Variants in ZNF608 observed in about 807,000 individuals in gnomAD.
ZNF608 encodes the protein renal carcinoma antigen NY-REN-36.
Under a neutral mutation model 109.0 loss-of-function variants are expected in ZNF608, and 12 were observed. That is an observed-to-expected ratio of 0.11 (90% CI 0.07 to 0.18). The LOEUF (loss-of-function observed/expected upper bound fraction) is 0.18. Among genes scored for constraint, ZNF608 ranks in the 10% least tolerant of loss-of-function variants. The probability of loss-of-function intolerance (pLI) is 1.00; values close to 1 mark genes in which losing one functional copy is unlikely to be tolerated. For missense variants in ZNF608, 1,707 were observed against 1,879.3 expected (o/e 0.91, Z 1.70); for synonymous variants, 732 against 717.4 (o/e 1.02, Z -0.33).
chr5:124,706,321 C>CA (rs1245607185), intron 2 of ZNF608, among the ~76,000 whole-genome samples: 1 of 152,180 alleles, frequency 6.6e-6, no homozygotes, highest in Non-Finnish European at 1.5e-5. Context: ...AACTTTAGCT[C>CA]AGGGCCTGGT....
At position 124,647,663 on chromosome 5, in the gene ZNF608, G is replaced by GCTGC; in HGVS notation, c.2717_2720dup (p.Ser907ArgfsTer39). On this transcript the variant is annotated frameshift_variant, in exon 5 of 10. Transcript: ENST00000513986. LOFTEE classifies it high-confidence loss of function. ...TTGGTGCCTGCCCGTTCACCAAAGTGCTGCATTCCAGCCTCGAGGCGCTCC... is the reference window on the plus strand; with the variant it reads ...TTGGTGCCTGCCCGTTCACCAAAGTGCTGCCTGCATTCCAGCCTCGAGGCGCTCC... 1 of 1,614,238 alleles carries GCTGC rather than the reference G, an allele frequency of 6.2e-7. No homozygotes were observed. Among genetic ancestry groups the GCTGC allele is most frequent in the Non-Finnish European group, 8.5e-7 (1 of 1,180,048 alleles).
At chr5:124,735,358 G>A (rs1237365350) in intron 2 of ZNF608, among the ~76,000 whole-genome samples, 1 of 152,234 alleles carries the variant, frequency 6.6e-6, no homozygotes, top group Admixed American at 6.5e-5. Flanking sequence ...GGGAAGAAGG[G>A]CGCGTTCCCG....
intron 3 of ZNF608, among the ~76,000 whole-genome samples, chr5:124,674,633 C>T (rs1057442995): frequency 6.6e-6 from 1 of 152,174 alleles, no homozygotes; most frequent in African/African-American, 2.4e-5. Flanking sequence ...TGCTTTGAGA[C>T]AGAGTCTCCC....
chr5:124,645,264 T>C (rs1750443444), intron 5 of ZNF608, among the ~76,000 whole-genome samples: 1 of 152,190 alleles, frequency 6.6e-6, no homozygotes, highest in African/African-American at 2.4e-5. Flanking sequence ...AATTTCAAAT[T>C]AATAGCACAC....
intron 2 of ZNF608, among the ~76,000 whole-genome samples, chr5:124,730,448 C>T (rs1256701991): frequency 6.6e-6 from 1 of 152,186 alleles, no homozygotes; most frequent in Non-Finnish European, 1.5e-5. Context: ...TAAAACTAGA[C>T]AGGATTATCT....
intron 3 of ZNF608, among the ~76,000 whole-genome samples, chr5:124,676,821 T>C (rs551458737): frequency 1.6e-3 from 243 of 152,340 alleles, no homozygotes; most frequent in South Asian, 4.3e-3. Context: ...ATTCCATTTA[T>C]GCAAAGTGCA....
intron 2 of ZNF608, among the ~76,000 whole-genome samples, chr5:124,705,365 G>A (rs1246350560): frequency 2.6e-5 from 4 of 152,078 alleles, no homozygotes; most frequent in Admixed American, 6.5e-5. Context: ...GCAAGTTACC[G>A]CGCTTCTCTT....
At chr5:124,742,047 A>C (rs1291685906) in intron 2 of ZNF608, among the ~76,000 whole-genome samples, 2 of 152,074 alleles carry the variant, frequency 1.3e-5, no homozygotes, top group Non-Finnish European at 2.9e-5. Context: ...CCCACCCCAG[A>C]TCCACCATGA....
intron 2 of ZNF608, among the ~76,000 whole-genome samples, chr5:124,704,586 T>C (rs1266333961): frequency 6.6e-6 from 1 of 151,974 alleles, no homozygotes; most frequent in Non-Finnish European, 1.5e-5. Flanking sequence ...AACATTCCAG[T>C]TTTTTTTAGC....
intron 3 of ZNF608, among the ~76,000 whole-genome samples, chr5:124,691,531 C>G (rs145701225): frequency 1.3e-3 from 191 of 152,280 alleles, no homozygotes; most frequent in African/African-American, 4.1e-3. Context: ...TGTCTGTATT[C>G]CCATGTTCAT....
At chr5:124,695,057 G>A (rs1217948117) in intron 3 of ZNF608, among the ~76,000 whole-genome samples, 1 of 152,048 alleles carries the variant, frequency 6.6e-6, no homozygotes, top group African/African-American at 2.4e-5. Context: ...ATGCTCACCT[G>A]CCCAACTCAC....
chr5:124,644,256 G>T lies in ZNF608; in HGVS notation c.4111C>A (p.His1371Asn). ...AYRAVSPVLM[H>N]SYPGAYLSPG... Reference sequence around the variant, plus strand: ...CGACAACACGTACCAGGATAACTGTGCATTAGGACGGGAGAAACAGCCCGG... The same window carrying T: ...CGACAACACGTACCAGGATAACTGTTCATTAGGACGGGAGAAACAGCCCGG... Residue 1371 changes from histidine to asparagine, a missense_variant, in exon 6 of 10, where the codon CAC becomes AAC. This residue lies in a region of ZNF608 where 1,073 missense variants were observed against 1,133.5 expected (regional missense o/e 0.95). Transcript: ENST00000513986. The T allele has an allele frequency of 6.2e-7, 1 of 1,609,046 alleles. No individual in the cohort carries two copies. Among genetic ancestry groups the T allele is most frequent in the South Asian group, 1.1e-5 (1 of 90,858 alleles).
upstream of ZNF608, chr5:124,746,823 G>A: frequency 1.0e-6 from 1 of 973,500 alleles, no homozygotes; most frequent in Non-Finnish European, 1.2e-6. Flanking sequence ...GAGGGAGGAG[G>A]AGGAGAAGAA....
At chr5:124,657,278 T>C (rs1751052211) in intron 3 of ZNF608, among the ~76,000 whole-genome samples, 1 of 152,066 alleles carries the variant, frequency 6.6e-6, no homozygotes, top group South Asian at 2.1e-4. Context: ...CACATATAGA[T>C]GGTGACGATA....
chr5:124,644,521 G>T lies in ZNF608; in HGVS notation c.3846C>A (p.Pro1282=), dbSNP rs1048499085. The part of the protein sequence containing the change: ...RKTPNKESGV[P]SLPVSLTSIK... ...TGCTTGTTAACGATACAGGAAGGCT[G>T]GGCACACCACTCTCTTTATTAGGAG... The change falls in exon 6 of 10, where the codon CCC becomes CCA. Residue 1282 remains proline (P), a synonymous_variant. Coordinates refer to ENST00000513986, the MANE Select transcript of ZNF608 (RefSeq NM_020747.3). 3 of 1,613,946 alleles carry T rather than the reference G, an allele frequency of 1.9e-6. No homozygotes were observed. The highest frequency in any genetic ancestry group is 1.3e-5 in the African/African-American group (1 of 74,866).
At chr5:124,740,883 T>G (rs1749366240) in intron 2 of ZNF608, among the ~76,000 whole-genome samples, 1 of 152,212 alleles carries the variant, frequency 6.6e-6, no homozygotes, top group Admixed American at 6.5e-5. Flanking sequence ...CCCATCAACT[T>G]TACATATAAA....
chr5:124,653,107 C>G (rs1750863295), intron 3 of ZNF608, among the ~76,000 whole-genome samples: 1 of 152,166 alleles, frequency 6.6e-6, no homozygotes, highest in African/African-American at 2.4e-5. Flanking sequence ...AACATTTCAT[C>G]TGAGGCTTAT....
At chr5:124,691,814 T>A (rs6873750) in intron 3 of ZNF608, among the ~76,000 whole-genome samples, 75,631 of 151,878 alleles carry the variant, frequency 0.5, 20,022 homozygotes, top group African/African-American at 0.68. Flanking sequence ...TGTCGGTGGG[T>A]AAAAGGGGAA....
At chr5:124,668,213 TA>T (rs1423328969) in intron 3 of ZNF608, among the ~76,000 whole-genome samples, 6 of 141,588 alleles carry the variant, frequency 4.2e-5, no homozygotes, top group East Asian at 4.2e-4. Flanking sequence ...TATATATATA[TA>T]TATTATATAT....
Sources: allele counts gnomAD v4.1 joint callset (sites outside exome capture counted in the v4.1 genomes callset), GRCh38; gene constraint gnomAD v4.1.1; regional missense constraint gnomAD v4.1.1; transcripts MANE v1.5; gene names NCBI Gene and HGNC (gene_info 2026-07-23, HGNC 2026-07-21).